NSF: variants seen among roughly 807,000 people sequenced by gnomAD.
NSF encodes vesicle-fusing ATPase.
Under a neutral mutation model 50.3 loss-of-function variants are expected in NSF, and 14 were observed. The ratio of observed to expected loss-of-function variants is 0.28; its 90% CI spans 0.18 to 0.44. The LOEUF is 0.44. NSF is among the 20% of genes least tolerant of loss of function. The probability of loss-of-function intolerance (pLI) is 1.00; values close to 1 mark genes in which losing one functional copy is unlikely to be tolerated. For missense variants in NSF, 218 were observed against 504.3 expected (o/e 0.43, Z 5.44); for synonymous variants, 109 against 175.7 (o/e 0.62, Z 3.00).
intron 1 of NSF, among the ~76,000 whole-genome samples, chr17:46,609,802 A>C (rs1272833594): frequency 7.0e-6 from 1 of 142,038 alleles, no homozygotes; most frequent in Non-Finnish European, 1.6e-5. Flanking sequence ...TAGATCTTCT[A>C]ATATTCTCGG....
At chr17:46,731,914 T>C (rs1039409983) in intron 17 of NSF, among the ~76,000 whole-genome samples, 13 of 152,222 alleles carry the variant, frequency 8.5e-5, no homozygotes, top group Non-Finnish European at 1.9e-4. Flanking sequence ...CCACCTTGCT[T>C]TTTAAAATGT....
chr17:46,722,349 C>A (rs747839543), intron 15 of NSF, among the ~76,000 whole-genome samples: 1 of 152,204 alleles, frequency 6.6e-6, no homozygotes, highest in Non-Finnish European at 1.5e-5. Flanking sequence ...ATCTTTGGAT[C>A]TAGAGCAAGC....
At chr17:46,720,243 C>T (rs1423205211) in intron 15 of NSF, among the ~76,000 whole-genome samples, 1 of 152,172 alleles carries the variant, frequency 6.6e-6, no homozygotes, top group Non-Finnish European at 1.5e-5. Context: ...CCGGAAGTGA[C>T]TACAGGTCCC....
chr17:46,630,972 A>T (rs1416863476), intron 4 of NSF, among the ~76,000 whole-genome samples: 1 of 137,828 alleles, frequency 7.3e-6, no homozygotes, highest in African/African-American at 3.0e-5. Context: ...GAATTTCTGT[A>T]TACTACCTTT....
intron 17 of NSF, among the ~76,000 whole-genome samples, chr17:46,742,466 T>G (rs1257105649): frequency 1.3e-5 from 2 of 152,200 alleles, no homozygotes; most frequent in Non-Finnish European, 2.9e-5. Flanking sequence ...CAAACCGACT[T>G]AAGTCCTGTC....
intron 13 of NSF, among the ~76,000 whole-genome samples, chr17:46,708,970 T>A (rs199437): frequency 0.3 from 45,478 of 150,826 alleles, 7,607 homozygotes; most frequent in East Asian, 0.61. Flanking sequence ...GACTGCAGGC[T>A]TGCGCCACCA....
chr17:46,739,340 C>T (rs2059043395), intron 17 of NSF, among the ~76,000 whole-genome samples: 1 of 130,170 alleles, frequency 7.7e-6, no homozygotes, highest in African/African-American at 3.0e-5. Flanking sequence ...CACTGCACTC[C>T]AGCCTGGGCA....
intron 13 of NSF, among the ~76,000 whole-genome samples, chr17:46,707,982 G>C (rs1044694444): frequency 6.6e-6 from 1 of 150,668 alleles, no homozygotes; most frequent in African/African-American, 2.4e-5. Flanking sequence ...GCAGTGAGCC[G>C]AGATTGTGCC....
intron 19 of NSF, 57 bp from the exon 20 acceptor site, chr17:46,755,257 G>C: frequency 1.5e-6 from 2 of 1,319,732 alleles, no homozygotes; most frequent in East Asian, 4.6e-5. Context: ...CATGAAGCAA[G>C]TGCAGAGTTG....
chr17:46,733,924 G>A (rs1166738922), intron 17 of NSF, among the ~76,000 whole-genome samples: 4 of 152,176 alleles, frequency 2.6e-5, no homozygotes, highest in African/African-American at 7.2e-5. Flanking sequence ...CCTAATAAGA[G>A]AGAAATACAG....
Position 46,728,876 on chromosome 17 carries a change from G to T in NSF, c.1850G>T (p.Arg617Leu). 1 of 1,607,918 alleles carries T rather than the reference G, an allele frequency of 6.2e-7. No homozygotes were observed. Among genetic ancestry groups the T allele is most frequent in the Non-Finnish European group, 8.5e-7 (1 of 1,177,406 alleles). ...CCAGATTACGTCCCTATTGGCCCTC[G>T]ATTTTCAAATCTTGTATTACAGGCT... ...RLLDYVPIGP[R>L]FSNLVLQALL... Residue 617 changes from arginine to leucine, a missense_variant, in exon 17 of 21, where the codon CGA (arginine) becomes CTA (leucine). By Grantham distance (102) the Arg-to-Leu change is moderately radical. Coordinates refer to ENST00000398238, the MANE Select transcript of NSF (RefSeq NM_006178.4).
At chr17:46,633,481 G>GAT (rs1213061466) in intron 4 of NSF, among the ~76,000 whole-genome samples, 2 of 136,812 alleles carry the variant, frequency 1.5e-5, no homozygotes, top group Non-Finnish European at 3.3e-5. Context: ...GGACTTAAGT[G>GAT]ATCTTCCCTC....
Position 46,711,011 on chromosome 17 carries a change from A to G in NSF, c.1519A>G (p.Ile507Val). The change falls in exon 14 of 21, where the codon ATC becomes GTC. Residue 507 changes from isoleucine to valine, a missense_variant. This residue lies in a region of NSF where 209 missense variants were observed against 320.9 expected (regional missense o/e 0.65). Coordinates refer to ENST00000398238, the MANE Select transcript of NSF (RefSeq NM_006178.4). Reference protein sequence around the residue: ...EDYASYIMNGIIKWGDPVTRV... With the variant: ...EDYASYIMNGVIKWGDPVTRV... ...TTATGCAAGTTACATTATGAACGGT[A>G]TCATCAAATGGGGTGACCCAGTTAC... is the stretch of plus-strand genomic sequence containing the variant. 1 of 1,597,510 alleles carries G rather than the reference A, an allele frequency of 6.3e-7. No homozygotes were observed. Among genetic ancestry groups the G allele is most frequent in the Non-Finnish European group, 8.5e-7 (1 of 1,175,212 alleles).
chr17:46,737,998 A>G (rs933136079), intron 17 of NSF, among the ~76,000 whole-genome samples: 9 of 151,964 alleles, frequency 5.9e-5, no homozygotes, highest in African/African-American at 1.9e-4. Flanking sequence ...GCAGTGACGC[A>G]GTCTCAATCA....
intron 17 of NSF, among the ~76,000 whole-genome samples, chr17:46,737,526 C>T (rs2059018405): frequency 6.6e-6 from 1 of 151,878 alleles, no homozygotes; most frequent in African/African-American, 2.4e-5. Context: ...GCTGCACTCA[C>T]CCAGATGATT....
chr17:46,712,760 G>A lies in NSF; in HGVS notation c.1628-1093G>A, dbSNP rs1454386439. On this transcript the variant is annotated intron_variant, in intron 14 of 20. Transcript: ENST00000398238. The stretch of plus-strand genomic sequence containing the variant: ...ACTTGTCTCTGAAGCATGTTAACAC[G>A]TAAGGACTAAACAGAGCAGAAAAAT... Among the ~76,000 whole-genome samples the A allele has an allele frequency of 2.0e-4, 31 of 152,102 alleles. 2 individuals carry two copies. The highest frequency in any genetic ancestry group is 1.8e-3 in the Admixed American group (27 of 15,260).
At chr17:46,718,199 AC>A (rs1190716952) in intron 15 of NSF, among the ~76,000 whole-genome samples, 1 of 151,826 alleles carries the variant, frequency 6.6e-6, no homozygotes, top group Non-Finnish European at 1.5e-5. Flanking sequence ...CCCCTGACCC[AC>A]CCCAGTGAGT....
intron 12 of NSF, among the ~76,000 whole-genome samples, chr17:46,695,295 C>T (rs959101290): frequency 4.4e-5 from 6 of 137,206 alleles, no homozygotes; most frequent in Admixed American, 1.4e-4. Flanking sequence ...GGAGTTTCCA[C>T]GTACTAGAAT....
At chr17:46,711,624 C>T (rs942739691) in intron 14 of NSF, among the ~76,000 whole-genome samples, 3 of 152,104 alleles carry the variant, frequency 2.0e-5, no homozygotes, top group African/African-American at 7.2e-5. Flanking sequence ...CCTTGAAAGA[C>T]CAGTTAGGAT....
Sources: gnomAD v4.1 joint callset for allele counts (sites outside exome capture counted in the v4.1 genomes callset) on GRCh38, gnomAD v4.1.1 for gene constraint, gnomAD v4.1.1 regional missense constraint, MANE v1.5 for transcripts, NCBI Gene and HGNC (gene_info 2026-07-23, HGNC 2026-07-21) for gene names.